The following ZNF804B variants were observed in gnomAD, a reference collection of about 807,000 sequenced individuals.
The protein encoded by ZNF804B is zinc finger protein 804B, also known as zinc finger 804B.
A neutral mutation model predicts 101.4 loss-of-function variants in ZNF804B; 80 were observed. The observed-to-expected ratio is 0.79, with a 90% CI of 0.66 to 0.95. ZNF804B has a LOEUF of 0.95. Among genes scored for constraint, ZNF804B ranks in the 40% least tolerant of loss-of-function variants. ZNF804B has a pLI of 0.00. For synonymous variants in ZNF804B, 622 were observed against 558.8 expected (o/e 1.11, Z -1.59); for missense variants, 1,673 against 1,561.9 (o/e 1.07, Z -1.20).
In ZNF804B at chr7:89,129,389, A is replaced by G. The variant is rs552979831; in HGVS notation, c.109-88766A>G. ...ATGCTCAGTTTAAGAAATCTCATTG[A>G]TTTACATTTCTTTAAACCACAAAGT... On this transcript the variant is annotated intron_variant, in intron 1 of 3. Transcript: ENST00000333190. Among the ~76,000 whole-genome samples the G allele has an allele frequency of 2.0e-5, 3 of 152,132 alleles. No individual in the cohort carries two copies. In the East Asian group the frequency reaches 5.8e-4, roughly 29 times the overall value.
intron 1 of ZNF804B, among the ~76,000 whole-genome samples, chr7:88,836,363 T>A (rs2115794534): frequency 6.6e-6 from 1 of 151,788 alleles, no homozygotes; most frequent in African/African-American, 2.4e-5. Context: ...AAAGTAGAGA[T>A]CACATGTTTT....
At chr7:89,332,098 T>C (rs1306499862) in intron 3 of ZNF804B, among the ~76,000 whole-genome samples, 1 of 151,504 alleles carries the variant, frequency 6.6e-6, no homozygotes, top group Non-Finnish European at 1.5e-5. Context: ...GGGAAAAGCA[T>C]ACAAGCACAC....
At chr7:88,760,116 A>T in intron 1 of ZNF804B, 32 bp downstream of exon 1, 1 of 1,558,926 alleles carries the variant, frequency 6.4e-7, no homozygotes, top group South Asian at 1.1e-5. Context: ...ATACATACAC[A>T]AACGTTCCAA....
chr7:88,946,284 T>G (rs572249523), intron 1 of ZNF804B, among the ~76,000 whole-genome samples: 89 of 82,808 alleles, frequency 1.1e-3, no homozygotes, highest in Non-Finnish European at 1.4e-3. Flanking sequence ...TTATTGAGAG[T>G]TTTTTTTTTT....
chr7:88,824,917 A>G (rs546398313), intron 1 of ZNF804B, among the ~76,000 whole-genome samples: 1 of 152,344 alleles, frequency 6.6e-6, no homozygotes, highest in Non-Finnish European at 1.5e-5. Context: ...GGGTTATAAA[A>G]GTTCTGAATG....
intron 2 of ZNF804B, among the ~76,000 whole-genome samples, chr7:89,255,464 G>A (rs1361623819): frequency 6.6e-6 from 1 of 152,168 alleles, no homozygotes; most frequent in African/African-American, 2.4e-5. Flanking sequence ...TTCCATTCAT[G>A]GATGCAAATT....
intron 1 of ZNF804B, among the ~76,000 whole-genome samples, chr7:88,877,015 T>C (rs868150929): frequency 2.6e-5 from 2 of 77,328 alleles, no homozygotes; most frequent in Non-Finnish European, 4.3e-5. Flanking sequence ...AAAATATATA[T>C]ATATATATAT....
chr7:89,231,204 G>C (rs778119673), intron 2 of ZNF804B, among the ~76,000 whole-genome samples: 1 of 151,980 alleles, frequency 6.6e-6, no homozygotes, highest in Non-Finnish European at 1.5e-5. Flanking sequence ...TGAGGAAAAT[G>C]CTATTTGTGT....
At chr7:89,332,790 C>T (rs182755772) in intron 3 of ZNF804B, among the ~76,000 whole-genome samples, 21 of 151,752 alleles carry the variant, frequency 1.4e-4, no homozygotes, top group African/African-American at 4.3e-4. Context: ...GTACATATGT[C>T]TTATTTTATT....
intron 1 of ZNF804B, among the ~76,000 whole-genome samples, chr7:89,102,950 C>T (rs904783476): frequency 3.3e-5 from 5 of 150,430 alleles, no homozygotes; most frequent in African/African-American, 9.8e-5. Flanking sequence ...TGTCCTTTCC[C>T]AATTGTTTAT....
At chr7:89,309,968 A>G (rs1790625959) in intron 2 of ZNF804B, among the ~76,000 whole-genome samples, 1 of 151,962 alleles carries the variant, frequency 6.6e-6, no homozygotes, top group Non-Finnish European at 1.5e-5. Context: ...AGCTGGCTAA[A>G]AACCTGGATG....
intron 2 of ZNF804B, among the ~76,000 whole-genome samples, chr7:89,323,141 A>C (rs530240767): frequency 1.3e-5 from 2 of 152,240 alleles, no homozygotes; most frequent in African/African-American, 4.8e-5. Context: ...AAAGATGTCC[A>C]TCTGCAAACC....
chr7:89,180,030 C>T (rs1788273402), intron 1 of ZNF804B, among the ~76,000 whole-genome samples: 1 of 152,118 alleles, frequency 6.6e-6, no homozygotes, highest in South Asian at 2.1e-4. Flanking sequence ...TGCTATCCTG[C>T]CTGGAGTTTG....
intron 1 of ZNF804B, among the ~76,000 whole-genome samples, chr7:89,015,834 T>A (rs1000367047): frequency 6.6e-6 from 1 of 152,188 alleles, no homozygotes; most frequent in Admixed American, 6.5e-5. Context: ...TGATTTATAG[T>A]CCTTTGGGTA....
chr7:89,280,895 A>C (rs1169280188), intron 2 of ZNF804B, among the ~76,000 whole-genome samples: 1 of 152,204 alleles, frequency 6.6e-6, no homozygotes, highest in Non-Finnish European at 1.5e-5. Context: ...ATCCTCCCTA[A>C]CTCATTTTAT....
chr7:88,806,533 T>C (rs1790695529), intron 1 of ZNF804B, among the ~76,000 whole-genome samples: 1 of 152,202 alleles, frequency 6.6e-6, no homozygotes, highest in South Asian at 2.1e-4. Context: ...GTCATTGTTA[T>C]ATGGGTTAAA....
chr7:89,257,135 G>C (rs1334373779), intron 2 of ZNF804B, among the ~76,000 whole-genome samples: 2 of 151,972 alleles, frequency 1.3e-5, no homozygotes, highest in Non-Finnish European at 2.9e-5. Flanking sequence ...CATCTGTGCT[G>C]AGTTTAATTA....
intron 2 of ZNF804B, among the ~76,000 whole-genome samples, chr7:89,250,109 C>T (rs1193614743): frequency 6.6e-6 from 1 of 152,050 alleles, no homozygotes; most frequent in Non-Finnish European, 1.5e-5. Flanking sequence ...ACTGCTTGAA[C>T]CCAGGAGGCA....
At chr7:88,921,064 T>A (rs1792711863) in intron 1 of ZNF804B, among the ~76,000 whole-genome samples, 1 of 152,124 alleles carries the variant, frequency 6.6e-6, no homozygotes, top group Non-Finnish European at 1.5e-5. Context: ...ACGAATGCAC[T>A]AATTTAGATT....
Sources: allele counts gnomAD v4.1 joint callset (sites outside exome capture counted in the v4.1 genomes callset), GRCh38; gene constraint gnomAD v4.1.1; transcripts MANE v1.5; gene names NCBI Gene and HGNC (gene_info 2026-07-23, HGNC 2026-07-21).